Variants in IGFL2 observed in about 807,000 individuals in gnomAD.
IGFL2 encodes the protein insulin growth factor-like family member 2.
In IGFL2, 7 loss-of-function variants were observed where a neutral mutation model predicts 13.9. The ratio of observed to expected loss-of-function variants is 0.51; its 90% CI spans 0.29 to 0.95. IGFL2 has a LOEUF of 0.95. IGFL2 is among the 40% of genes least tolerant of loss of function. The probability of loss-of-function intolerance (pLI) is 0.08; values close to 1 mark genes in which losing one functional copy is unlikely to be tolerated. For synonymous variants in IGFL2, 55 were observed against 55.8 expected (o/e 0.99, Z 0.07); for missense variants, 138 against 147.8 (o/e 0.93, Z 0.34).
the IGFL2 span, among the ~76,000 whole-genome samples, chr19:46,135,940 G>A: frequency 1.3e-5 from 2 of 152,196 alleles, no homozygotes; most frequent in Admixed American, 1.3e-4. Flanking sequence ...GGCTTGTAGG[G>A]TTTCTGTTGA....
At chr19:46,160,220 G>T in intron 1 of IGFL2, 195 bp from the exon 2 acceptor site, 2 of 596,438 alleles carry the variant, frequency 3.4e-6, no homozygotes, top group Non-Finnish European at 6.0e-6. Flanking sequence ...TTTCCTAGAA[G>T]GGTCCATGCT....
At chr19:46,179,840 C>T in the IGFL2 span, among the ~76,000 whole-genome samples, 6 of 152,014 alleles carry the variant, frequency 3.9e-5, no homozygotes, top group South Asian at 2.1e-4. Context: ...TGCTTGATCC[C>T]GGGAGGTGGA....
upstream of IGFL2, among the ~76,000 whole-genome samples, chr19:46,144,098 C>T (rs144597560): frequency 6.6e-6 from 1 of 152,332 alleles, no homozygotes; most frequent in African/African-American, 2.4e-5. Context: ...TGTAAAGAGT[C>T]AGGCTTTGCA....
At chr19:46,114,308 G>C in the IGFL2 span, among the ~76,000 whole-genome samples, 2 of 151,542 alleles carry the variant, frequency 1.3e-5, no homozygotes, top group East Asian at 3.9e-4. Context: ...GGGAACATGC[G>C]AAAAAAAGGG....
At chr19:46,188,398 G>A in the IGFL2 span, among the ~76,000 whole-genome samples, 3 of 152,012 alleles carry the variant, frequency 2.0e-5, no homozygotes, top group South Asian at 2.1e-4. Context: ...CCACCGTGAC[G>A]CTCATTCCTG....
At chr19:46,199,560 G>A in the IGFL2 span, among the ~76,000 whole-genome samples, 4 of 152,152 alleles carry the variant, frequency 2.6e-5, no homozygotes, top group East Asian at 5.8e-4. Context: ...GCCTCTGAGA[G>A]CCCCCTGCGC....
At chr19:46,105,656 G>T in the IGFL2 span, among the ~76,000 whole-genome samples, 1 of 152,190 alleles carries the variant, frequency 6.6e-6, no homozygotes, top group Non-Finnish European at 1.5e-5. Context: ...GAAAGTATAT[G>T]CATCAGGTGT....
the IGFL2 span, among the ~76,000 whole-genome samples, chr19:46,110,127 T>G: frequency 1.3e-5 from 2 of 152,218 alleles, no homozygotes; most frequent in African/African-American, 4.8e-5. Context: ...ATAACAGCCA[T>G]CGGGGCCACA....
At chr19:46,113,256 A>G in the IGFL2 span, 1 of 224,726 alleles carries the variant, frequency 4.4e-6, no homozygotes, top group Non-Finnish European at 9.0e-6. Flanking sequence ...ATGAAGACCT[A>G]GTACTCACTA....
At chr19:46,211,133 C>T in the IGFL2 span, among the ~76,000 whole-genome samples, 1 of 152,210 alleles carries the variant, frequency 6.6e-6, no homozygotes, top group East Asian at 1.9e-4. Flanking sequence ...GCAGATTGTT[C>T]TAGCTTCATT....
chr19:46,082,210 T>G, the IGFL2 span, among the ~76,000 whole-genome samples: 6 of 152,182 alleles, frequency 3.9e-5, no homozygotes, highest in South Asian at 2.1e-4. Context: ...CTTTTCTGTT[T>G]CCCCATACCT....
At chr19:46,127,662 T>C in the IGFL2 span, among the ~76,000 whole-genome samples, 1 of 152,228 alleles carries the variant, frequency 6.6e-6, no homozygotes, top group Non-Finnish European at 1.5e-5. Context: ...GGTAGATAGA[T>C]AGATGATGGA....
At chr19:46,095,435 C>T in the IGFL2 span, among the ~76,000 whole-genome samples, 1 of 151,970 alleles carries the variant, frequency 6.6e-6, no homozygotes, top group African/African-American at 2.4e-5. Flanking sequence ...AGACCTTTGT[C>T]AGATGGATAG....
chr19:46,207,585 T>A, the IGFL2 span: 2 of 152,348 alleles, frequency 1.3e-5, no homozygotes, highest in East Asian at 3.9e-4. Flanking sequence ...TTTCGTCATG[T>A]TGGCCAGGCT....
rs748954556 is a variant in IGFL2 at position 46,160,677 on chromosome 19, A to G, written c.137A>G (p.Asn46Ser). Reference protein sequence around the residue: ...PAPRCGDKIYNPLEQCCYNDA... With the variant: ...PAPRCGDKIYSPLEQCCYNDA... ...CCCAGGTGTGGAGACAAGATCTACA[A>G]CCCCTTGGAGCAGTGCTGTTACAAT... The change falls in exon 3 of 4, where the codon AAC (asparagine) becomes AGC (serine). Residue 46 changes from asparagine (N) to serine (S), a missense_variant. Coordinates refer to ENST00000377693, the MANE Select transcript of IGFL2 (RefSeq NM_001135113.2). The G allele has an allele frequency of 3.7e-6, 6 of 1,613,392 alleles. No individual in the cohort carries two copies. In the South Asian group the frequency reaches 5.5e-5, roughly 15 times the overall value.
At chr19:46,148,900 G>A (rs1222770319) in intron 1 of IGFL2, 2 of 1,548,582 alleles carry the variant, frequency 1.3e-6, no homozygotes, top group Non-Finnish European at 1.7e-6. Flanking sequence ...CTGTGATGAG[G>A]GGATCATCCT....
chr19:46,158,412 T>C (rs557614709), intron 1 of IGFL2, among the ~76,000 whole-genome samples: 1 of 152,188 alleles, frequency 6.6e-6, no homozygotes, highest in East Asian at 1.9e-4. Flanking sequence ...GGTTTCACCC[T>C]GTTAGCCAGG....
the IGFL2 span, among the ~76,000 whole-genome samples, chr19:46,133,536 A>G: frequency 6.6e-6 from 1 of 152,252 alleles, no homozygotes; most frequent in African/African-American, 2.4e-5. Context: ...AGCACTTCCA[A>G]ATAAGGAAGA....
chr19:46,079,520 G>T, the IGFL2 span, among the ~76,000 whole-genome samples: 3 of 152,196 alleles, frequency 2.0e-5, no homozygotes, highest in South Asian at 6.2e-4. Flanking sequence ...CAAGTCACAC[G>T]GGCTCAGAAG....
Sources: gnomAD v4.1 joint callset for allele counts (sites outside exome capture counted in the v4.1 genomes callset) on GRCh38, gnomAD v4.1.1 for gene constraint, MANE v1.5 for transcripts, NCBI Gene and HGNC (gene_info 2026-07-23, HGNC 2026-07-21) for gene names.